SHROOM3: variants seen among roughly 807,000 people sequenced by gnomAD.
SHROOM3 encodes shroom family member 3.
A neutral mutation model predicts 138.6 loss-of-function variants in SHROOM3; 47 were observed. The observed-to-expected ratio is 0.34, with a 90% CI of 0.27 to 0.43. The LOEUF (loss-of-function observed/expected upper bound fraction) is 0.43, where lower values mean the gene tolerates loss of function less well. Ranked by LOEUF, SHROOM3 falls within the 20% of genes least tolerant of loss-of-function variation. The pLI is 1.00. For missense variants in SHROOM3, 2,491 were observed against 2,596.5 expected, an observed-to-expected ratio of 0.96 and a Z score of 0.88; for synonymous variants, 1,062 against 1,063.3, an observed-to-expected ratio of 1.00 and a Z score of 0.02.
chr4:76,662,045 A>G (rs1272617769), intron 2 of SHROOM3, among the ~76,000 whole-genome samples: 1 of 152,238 alleles, frequency 6.6e-6, no homozygotes, highest in East Asian at 1.9e-4. Flanking sequence ...AAACTATTAC[A>G]AATGAAGTGT....
At chr4:76,562,360 A>T (rs1273134080) in intron 2 of SHROOM3, among the ~76,000 whole-genome samples, 1 of 152,174 alleles carries the variant, frequency 6.6e-6, no homozygotes, top group Non-Finnish European at 1.5e-5. Context: ...GTGAGATGAC[A>T]TTATTAGAAT....
chr4:76,547,996 C>T (rs921714152), intron 1 of SHROOM3, among the ~76,000 whole-genome samples: 1 of 149,756 alleles, frequency 6.7e-6, no homozygotes, highest in Non-Finnish European at 1.5e-5. Context: ...AATAACAATG[C>T]GGAGGAAGAT....
At chr4:76,625,935 A>G (rs1735128600) in intron 2 of SHROOM3, among the ~76,000 whole-genome samples, 1 of 152,226 alleles carries the variant, frequency 6.6e-6, no homozygotes, top group Non-Finnish European at 1.5e-5. Context: ...TATACAGCAC[A>G]TATTTGTTGA....
chr4:76,478,684 GAGACACCTCCCAGTAGGGGATGAC>G (rs1731540502), intron 1 of SHROOM3, among the ~76,000 whole-genome samples: 1 of 152,200 alleles, frequency 6.6e-6, no homozygotes, highest in Admixed American at 6.5e-5. Flanking sequence ...TCCTGACTGG[GAGACACCTCCCAGTAGGGGATGAC>G]AGACACCTCA....
At chr4:76,674,428 G>A (rs980302990) in intron 2 of SHROOM3, among the ~76,000 whole-genome samples, 1 of 151,820 alleles carries the variant, frequency 6.6e-6, no homozygotes, top group Non-Finnish European at 1.5e-5. Flanking sequence ...TCCTCATAAC[G>A]TGAGGATTGA....
At chr4:76,538,344 A>G (rs1242699104) in intron 1 of SHROOM3, among the ~76,000 whole-genome samples, 1 of 152,230 alleles carries the variant, frequency 6.6e-6, no homozygotes, top group Non-Finnish European at 1.5e-5. Context: ...TGGCAATAAC[A>G]AGAGCTAGAG....
rs1395804123 is a variant in SHROOM3, at chr4:76,763,157, A to G, written c.5349+3462A>G. Among the ~76,000 whole-genome samples, 3 of 152,264 alleles carry G rather than the reference A, an allele frequency of 2.0e-5. No homozygotes were observed. The East Asian group carries it at 5.8e-4, about 30-fold the overall frequency. ...TCCCAGCACTTTGGGAGGCCAAGGC[A>G]GGAGGATTGCTGGAGCCCAGGAGTT... On this transcript the variant is annotated intron_variant, in intron 9 of 10. Transcript: ENST00000296043.
intron 2 of SHROOM3, among the ~76,000 whole-genome samples, chr4:76,641,204 A>C (rs551325285): frequency 6.6e-6 from 1 of 152,346 alleles, no homozygotes; most frequent in South Asian, 2.1e-4. Flanking sequence ...GCCAAGTCCC[A>C]TAATATTCAG....
intron 1 of SHROOM3, among the ~76,000 whole-genome samples, chr4:76,438,492 T>G (rs953303134): frequency 2.6e-5 from 4 of 152,230 alleles, no homozygotes; most frequent in African/African-American, 9.6e-5. Context: ...TAAATGTTCC[T>G]CATTTGCACT....
chr4:76,773,802 C>A (rs1270207714), intron 10 of SHROOM3, among the ~76,000 whole-genome samples: 2 of 152,202 alleles, frequency 1.3e-5, no homozygotes, highest in African/African-American at 4.8e-5. Context: ...CCCTAGAGTT[C>A]AGCTTCCTTC....
chr4:76,705,556 G>T (rs1488068079), intron 2 of SHROOM3, among the ~76,000 whole-genome samples: 1 of 152,178 alleles, frequency 6.6e-6, no homozygotes, highest in Non-Finnish European at 1.5e-5. Flanking sequence ...CTGGAGTTAT[G>T]AATATTGGGT....
At chr4:76,572,733 G>A (rs1733857592) in intron 2 of SHROOM3, among the ~76,000 whole-genome samples, 1 of 152,096 alleles carries the variant, frequency 6.6e-6, no homozygotes, top group African/African-American at 2.4e-5. Context: ...ATGGTTTGTG[G>A]GTAGGAAGAG....
intron 2 of SHROOM3, among the ~76,000 whole-genome samples, chr4:76,678,707 C>G (rs1719107623): frequency 6.6e-6 from 1 of 152,174 alleles, no homozygotes; most frequent in Admixed American, 6.5e-5. Flanking sequence ...GTTCCTCAGG[C>G]TGGAGTGCAA....
At chr4:76,641,892 C>G (rs1735680051) in intron 2 of SHROOM3, among the ~76,000 whole-genome samples, 3 of 152,168 alleles carry the variant, frequency 2.0e-5, no homozygotes, top group Admixed American at 2.0e-4. Context: ...TGGAAATATA[C>G]TCCAGGGAGA....
At chr4:76,669,921 C>T (rs1718828419) in intron 2 of SHROOM3, among the ~76,000 whole-genome samples, 1 of 152,240 alleles carries the variant, frequency 6.6e-6, no homozygotes, top group African/African-American at 2.4e-5. Context: ...ACACCCACAC[C>T]ATATCTCATA....
At chr4:76,703,402 A>G (rs183184635) in intron 2 of SHROOM3, among the ~76,000 whole-genome samples, 54 of 152,322 alleles carry the variant, frequency 3.5e-4, no homozygotes, top group African/African-American at 1.2e-3. Flanking sequence ...AACAGGAACA[A>G]GGGGGCCTTT....
intron 1 of SHROOM3, among the ~76,000 whole-genome samples, chr4:76,503,631 G>A (rs1732146223): frequency 2.0e-5 from 3 of 152,106 alleles, no homozygotes. Flanking sequence ...GTTTCACCAT[G>A]TTGGCCAGGC....
Position 76,782,541 on chromosome 4 carries a change from G to C in SHROOM3, c.*3364G>C, listed in dbSNP as rs552648419. The C allele has an allele frequency of 6.6e-6, 1 of 152,286 alleles. No individual in the cohort carries two copies. Among genetic ancestry groups the C allele is most frequent in the East Asian group, 1.9e-4 (1 of 5,190 alleles). 9.4% of individuals were successfully genotyped at this position (152,286 alleles called of 1,614,324 possible). A position where few individuals can be genotyped will look rare whatever the true frequency, so the allele number is the denominator to read the frequency against. ...ATGTTATTCAGGCATCTCTTATTAA[G>C]ATACTGGGTCTCTGGATACCCAAGG... On this transcript the variant is annotated 3_prime_UTR_variant, in exon 11 of 11. Transcript: ENST00000296043.
chr4:76,656,779 T>C (rs1736073461), intron 2 of SHROOM3, among the ~76,000 whole-genome samples: 1 of 152,242 alleles, frequency 6.6e-6, no homozygotes, highest in Non-Finnish European at 1.5e-5. Flanking sequence ...AAACATTACT[T>C]ACTCTTGCTG....
Sources: gnomAD v4.1 joint callset for allele counts (sites outside exome capture counted in the v4.1 genomes callset) on GRCh38, gnomAD v4.1.1 for gene constraint, MANE v1.5 for transcripts, NCBI Gene and HGNC (gene_info 2026-07-23, HGNC 2026-07-21) for gene names.